Variants in NUDT12 observed in about 807,000 individuals in gnomAD.
NUDT12 encodes the protein NAD-capped RNA hydrolase NUDT12.
In NUDT12, 42 loss-of-function variants were observed where a neutral mutation model predicts 45.7. That is an observed-to-expected ratio of 0.92 (90% CI 0.72 to 1.19). The LOEUF (loss-of-function observed/expected upper bound fraction) is 1.19, where lower values mean the gene tolerates loss of function less well. NUDT12 is among the 50% of genes most tolerant of loss of function. NUDT12 has a pLI of 0.00. For missense variants in NUDT12, 590 were observed against 533.1 expected, an observed-to-expected ratio of 1.11 and a Z score of -1.05; for synonymous variants, 206 against 179.7, an observed-to-expected ratio of 1.15 and a Z score of -1.17.
chr5:103,560,018 A>G (rs1358440474), intron 2 of NUDT12, 25 bp downstream of exon 2: 5 of 1,518,484 alleles, frequency 3.3e-6, no homozygotes, highest in Non-Finnish European at 2.7e-6. Flanking sequence ...AAACCCTTTC[A>G]GGTGGTACAG....
chr5:103,559,270 A>T lies in NUDT12; in HGVS notation c.405T>A (p.Asn135Lys). Residue 135 changes from asparagine to lysine, a missense_variant, in exon 3 of 7, where the codon AAT becomes AAA. Physicochemically the swap from Asn to Lys is moderately conservative, Grantham distance 94 (BLOSUM62 0). Coordinates refer to ENST00000230792, the MANE Select transcript of NUDT12 (RefSeq NM_031438.4). ...TTTCTTTAGCTAGCAGCCAGTCAGAATTATTTCTCTTTTCACTTTTCCGGT... is the reference window on the plus strand; with the variant it reads ...TTTCTTTAGCTAGCAGCCAGTCAGATTTATTTCTCTTTTCACTTTTCCGGT... ...LLDRKSEKRN[N>K]SDWLLAKESH... 6.2e-7 allele frequency: 1 copy of T among 1,600,866 alleles called. No homozygotes were observed. Among genetic ancestry groups the T allele is most frequent in the Non-Finnish European group, 8.5e-7 (1 of 1,175,404 alleles).
chr5:103,554,705 A>G lies in NUDT12; in HGVS notation c.1078+35T>C, dbSNP rs778257460. The G allele has an allele frequency of 5.3e-6, 4 of 751,344 alleles. 1 individual carries two copies. The highest frequency in any genetic ancestry group is 3.4e-5 in the South Asian group (1 of 29,218). 46.5% of individuals were successfully genotyped at this position (751,344 alleles called of 1,614,324 possible). On this transcript the variant is annotated intron_variant, in intron 5 of 6. Transcript: ENST00000230792. ...TACCTAAACTTTGTATTTTAAAATT[A>G]TAAATTAAATATAAATTATTAAGAA...
intron 3 of NUDT12, among the ~76,000 whole-genome samples, chr5:103,557,280 G>GGTATATATATATATAT (rs1491335747): frequency 0.023 from 2,737 of 118,708 alleles, 324 homozygotes; most frequent in Non-Finnish European, 0.03. Flanking sequence ...ATCTTAAAAT[G>GGTATATATATATATAT]ATATATATAT....
rs756806096 is a variant in NUDT12, at chr5:103,550,814, G to T, written c.*47C>A. The T allele has an allele frequency of 7.8e-7, 1 of 1,283,218 alleles. No individual in the cohort carries two copies. Among genetic ancestry groups the T allele is most frequent in the African/African-American group, 1.5e-5 (1 of 68,320 alleles). 79.5% of individuals were successfully genotyped at this position (1,283,218 alleles called of 1,614,324 possible). On this transcript the variant is annotated 3_prime_UTR_variant, in exon 7 of 7. Coordinates refer to ENST00000230792, the MANE Select transcript of NUDT12 (RefSeq NM_031438.4). ...ATCTCTAATATCACTTGAGGAATGA[G>T]TGTTATTAGAAATTATTAAATAATA...
intron 3 of NUDT12, among the ~76,000 whole-genome samples, chr5:103,556,955 G>A (rs1187729565): frequency 6.6e-6 from 1 of 151,914 alleles, no homozygotes; most frequent in Non-Finnish European, 1.5e-5. Flanking sequence ...GTTTTTGCCT[G>A]CTACGTAACC....
chr5:103,562,530 C>G (rs924009482), intron 1 of NUDT12, among the ~76,000 whole-genome samples, 173 bp downstream of exon 1: 2 of 151,970 alleles, frequency 1.3e-5, no homozygotes, highest in Non-Finnish European at 2.9e-5. Context: ...CGCGGGAGCC[C>G]CTGCAAATGC....
chr5:103,549,598 T>C lies in NUDT12; in HGVS notation c.*1263A>G, dbSNP rs1748588980. 6.6e-6 allele frequency: 1 copy of C among 151,992 alleles called. No homozygotes were observed. Among genetic ancestry groups the C allele is most frequent in the African/African-American group, 2.4e-5 (1 of 41,422 alleles). The allele number at this position is 151,992 out of a possible 1,614,324, so 9.4% of individuals were successfully genotyped here. On this transcript the variant is annotated 3_prime_UTR_variant, in exon 7 of 7. Coordinates refer to ENST00000230792, the MANE Select transcript of NUDT12 (RefSeq NM_031438.4). ...TGTAACTTTCACTAATTAGGTAAAT[T>C]CACCTTTCACAATTTCTTTTTCCTT... is the stretch of plus-strand genomic sequence containing the variant.
chr5:103,552,385 T>C lies in NUDT12; in HGVS notation c.1110A>G (p.Glu370=), dbSNP rs1246265977. The change falls in exon 6 of 7, where the codon GAA becomes GAG. Residue 370 remains glutamate (E), a synonymous_variant. Transcript: ENST00000230792. ...CTTTGACTCCACTTTCCTCTTCTAC[T>C]TCTCTCCTAACAGCATCTTCTATTG... ...GETIEDAVRR[E]VEEESGVKVG... is the part of the protein sequence containing the mutation. 1 of 1,613,888 alleles carries C rather than the reference T, an allele frequency of 6.2e-7. No homozygotes were observed. The highest frequency in any genetic ancestry group is 2.2e-5 in the East Asian group (1 of 44,870).
At position 103,556,867 on chromosome 5, in the gene NUDT12, A is replaced by G. The variant is rs182466725; in HGVS notation, c.797-769T>C. Among the ~76,000 whole-genome samples the G allele has an allele frequency of 5.0e-3, 754 of 152,230 alleles. 4 individuals carry two copies. Among genetic ancestry groups the G allele is most frequent in the Non-Finnish European group, 8.5e-3 (580 of 67,968 alleles). On this transcript the variant is annotated intron_variant, in intron 3 of 6. Coordinates refer to ENST00000230792, the MANE Select transcript of NUDT12 (RefSeq NM_031438.4). The stretch of plus-strand genomic sequence containing the variant: ...TGGTCTACAGATTTTTGAAATGAAC[A>G]AAATAATAACAAAAATTCTAACATC...
At chr5:103,554,560 T>G (rs1167087824) in intron 5 of NUDT12, 180 bp downstream of exon 5, 3 of 319,842 alleles carry the variant, frequency 9.4e-6, no homozygotes, top group Non-Finnish European at 1.7e-5. Context: ...ATTTATATAA[T>G]TCTCATATAA....
intron 4 of NUDT12, among the ~76,000 whole-genome samples, chr5:103,555,255 G>A (rs970771731): frequency 6.6e-6 from 1 of 151,980 alleles, no homozygotes; most frequent in African/African-American, 2.4e-5. Flanking sequence ...TTAACAAAAT[G>A]TTTTTAAAAG....
At chr5:103,555,797 C>CT (rs922451932) in intron 4 of NUDT12, 134 bp downstream of exon 4, 13 of 544,910 alleles carry the variant, frequency 2.4e-5, no homozygotes, top group Admixed American at 3.8e-5. Flanking sequence ...GTGTGTAACA[C>CT]TTTAACACAT....
intron 1 of NUDT12, among the ~76,000 whole-genome samples, chr5:103,561,395 C>T (rs148446905): frequency 3.7e-4 from 57 of 152,188 alleles, no homozygotes; most frequent in African/African-American, 1.3e-3. Context: ...GAGCTGTTCA[C>T]CTTTCCTATT....
At chr5:103,554,332 T>C (rs577392770) in intron 5 of NUDT12, among the ~76,000 whole-genome samples, 7 of 151,994 alleles carry the variant, frequency 4.6e-5, no homozygotes, top group African/African-American at 1.4e-4. Context: ...ATGAGTGCCA[T>C]AGGGAAAAAT....
Position 103,559,291 on chromosome 5 carries a change from C to T in NUDT12, c.384G>A (p.Arg128=). Residue 128 remains arginine, a synonymous_variant, in exon 3 of 7, where the codon CGG becomes CGA. Transcript: ENST00000230792. ...ENYFSKTLLD[R]KSEKRNNSDW... ...CAGAATTATTTCTCTTTTCACTTTT[C>T]CGGTCCAGTAGTGTTTTGCTAAAAT... is the stretch of plus-strand genomic sequence containing the variant. The T allele has an allele frequency of 1.2e-6, 2 of 1,606,664 alleles. No homozygotes were observed. Among genetic ancestry groups the T allele is most frequent in the African/African-American group, 1.3e-5 (1 of 74,626 alleles).
intron 4 of NUDT12, among the ~76,000 whole-genome samples, chr5:103,555,655 T>A (rs1748790513): frequency 6.6e-6 from 1 of 152,028 alleles, no homozygotes. Context: ...AGTGGGGCTT[T>A]TTCTCCACTA....
intron 1 of NUDT12, among the ~76,000 whole-genome samples, chr5:103,561,150 A>G (rs1261798189): frequency 6.6e-6 from 1 of 151,682 alleles, no homozygotes; most frequent in African/African-American, 2.4e-5. Flanking sequence ...TTAAGGTATA[A>G]TTCTTCTTTC....
At chr5:103,553,715 C>T (rs1001120767) in intron 5 of NUDT12, among the ~76,000 whole-genome samples, 1 of 151,986 alleles carries the variant, frequency 6.6e-6, no homozygotes, top group Non-Finnish European at 1.5e-5. Context: ...TTAAAATAAA[C>T]TAAATGTCCA....
Position 103,559,199 on chromosome 5 carries a change from A to G in NUDT12, c.476T>C (p.Leu159Ser), listed in dbSNP as rs745970414. ...TTCTTTATTGCCACCTAGAGTAACC[A>G]AGGGATTTAAATCTGAGAAAAGAAT... is the stretch of plus-strand genomic sequence containing the variant. ...VFILFSDLNP[L>S]VTLGGNKESF... The change falls in exon 3 of 7, where the codon TTG becomes TCG. Residue 159 changes from leucine to serine, a missense_variant. Leu to Ser is a moderately radical substitution (Grantham distance 145, BLOSUM62 -2). Transcript: ENST00000230792. 1 of 1,556,326 alleles carries G rather than the reference A, an allele frequency of 6.4e-7. No homozygotes were observed. Among genetic ancestry groups the G allele is most frequent in the African/African-American group, 1.4e-5 (1 of 72,576 alleles).
Sources: allele counts gnomAD v4.1 joint callset (sites outside exome capture counted in the v4.1 genomes callset), GRCh38; gene constraint gnomAD v4.1.1; transcripts MANE v1.5; gene names NCBI Gene and HGNC (gene_info 2026-07-23, HGNC 2026-07-21).